Variants in HECW1 observed in about 807,000 individuals in gnomAD.
HECW1 encodes the protein E3 ubiquitin-protein ligase HECW1.
HECW1 carries 61 observed loss-of-function variants against 182.3 expected under a neutral mutation model. The observed-to-expected ratio is 0.33, with a 90% confidence interval of 0.27 to 0.41. The LOEUF (loss-of-function observed/expected upper bound fraction) is 0.41. Ranked by LOEUF, HECW1 falls within the 10% of genes least tolerant of loss-of-function variation. HECW1 has a pLI of 1.00. For synonymous variants in HECW1, 859 were observed against 832.6 expected (o/e 1.03, Z -0.55); for missense variants, 1,739 against 2,108.9 (o/e 0.82, Z 3.44).
intron 17 of HECW1, among the ~76,000 whole-genome samples, chr7:43,488,394 GGAA>G (rs2078753730): frequency 1.4e-5 from 1 of 71,796 alleles, no homozygotes; most frequent in Non-Finnish European, 2.8e-5. Flanking sequence ...AAGGAAGGAA[GGAA>G]GGAAATGAAA....
At chr7:43,538,834 C>T (rs1451724481) in intron 24 of HECW1, among the ~76,000 whole-genome samples, 2 of 152,144 alleles carry the variant, frequency 1.3e-5, no homozygotes, top group African/African-American at 2.4e-5. Flanking sequence ...TAATTAACCG[C>T]GGTGACTAGA....
Position 43,211,671 on chromosome 7 carries a change from A to AG in HECW1, c.-31-32198dup, listed in dbSNP as rs533108691. Among the ~76,000 whole-genome samples the AG allele has an allele frequency of 4.9e-4, 75 of 152,292 alleles. No homozygotes were observed. The East Asian group carries it at 0.013, about 26-fold the overall frequency. ...TGTGTTCATAATAACCCTTCACAAAAGGGGGGCGTTCCCCCTTGCCTCCCT... is the reference window on the plus strand; with the variant it reads ...TGTGTTCATAATAACCCTTCACAAAAGGGGGGGCGTTCCCCCTTGCCTCCCT... On this transcript the variant is annotated intron_variant, in intron 2 of 29. Coordinates refer to ENST00000395891, the MANE Select transcript of HECW1 (RefSeq NM_015052.5).
chr7:43,528,216 C>A (rs987964943), intron 24 of HECW1, among the ~76,000 whole-genome samples: 2 of 152,096 alleles, frequency 1.3e-5, no homozygotes, highest in Non-Finnish European at 2.9e-5. Flanking sequence ...TCAACTCTCC[C>A]AGTAAAGAAT....
intron 2 of HECW1, among the ~76,000 whole-genome samples, chr7:43,222,096 G>A (rs1265692399): frequency 6.6e-6 from 1 of 152,276 alleles, no homozygotes; most frequent in African/African-American, 2.4e-5. Flanking sequence ...CTAGGCCAGC[G>A]TTCCTCAACT....
chr7:43,267,704 AG>A (rs1382723497), intron 3 of HECW1, among the ~76,000 whole-genome samples: 2 of 152,148 alleles, frequency 1.3e-5, no homozygotes, highest in African/African-American at 4.8e-5. Context: ...GCTAATTAAG[AG>A]AAAACAAATA....
intron 2 of HECW1, among the ~76,000 whole-genome samples, chr7:43,221,536 G>GTT (rs1796944557): frequency 1.3e-5 from 1 of 79,848 alleles, no homozygotes; most frequent in Non-Finnish European, 2.7e-5. Context: ...AGAGGAATTA[G>GTT]GTTTTTTTTT....
At chr7:43,431,365 G>T (rs565031671) in intron 8 of HECW1, among the ~76,000 whole-genome samples, 50 of 152,214 alleles carry the variant, frequency 3.3e-4, no homozygotes, top group African/African-American at 1.1e-3. Flanking sequence ...TCCTAGCTAT[G>T]TCACTCCTCC....
intron 5 of HECW1, among the ~76,000 whole-genome samples, chr7:43,326,698 G>T (rs1475156644): frequency 6.6e-6 from 1 of 152,150 alleles, no homozygotes; most frequent in Non-Finnish European, 1.5e-5. Flanking sequence ...TGAACATATT[G>T]GTGTCTTGGT....
At chr7:43,340,226 CT>C (rs151194030) in intron 5 of HECW1, among the ~76,000 whole-genome samples, 8 of 97,596 alleles carry the variant, frequency 8.2e-5, no homozygotes, top group Non-Finnish European at 7.6e-5. Flanking sequence ...CCCCCCACCC[CT>C]TTTTTTTTTC....
rs557806722 is a variant in HECW1, at chr7:43,516,740, T to C, written c.4019+7619T>C. 1.9e-3 allele frequency among the ~76,000 whole-genome samples: 297 copies of C among 152,346 alleles called. 2 individuals are homozygous for C. Among genetic ancestry groups the C allele is most frequent in the African/African-American group, 6.7e-3 (279 of 41,582 alleles). Reference sequence around the variant, plus strand: ...AATGCATCACTAAGCAATTTTATCATTGCGTGAACATCATAGAGTGGAATT... The same window carrying C: ...AATGCATCACTAAGCAATTTTATCACTGCGTGAACATCATAGAGTGGAATT... On this transcript the variant is annotated intron_variant, in intron 24 of 29. Coordinates refer to ENST00000395891, the MANE Select transcript of HECW1 (RefSeq NM_015052.5).
intron 19 of HECW1, among the ~76,000 whole-genome samples, chr7:43,493,833 T>C (rs1443180543): frequency 1.3e-5 from 2 of 152,184 alleles, no homozygotes; most frequent in African/African-American, 2.4e-5. Flanking sequence ...GACGTTTGAA[T>C]TTTCACTCCA....
intron 3 of HECW1, among the ~76,000 whole-genome samples, chr7:43,251,863 C>T (rs1800067693): frequency 6.6e-6 from 1 of 152,156 alleles, no homozygotes. Flanking sequence ...TGTGGCTGTT[C>T]AGAGTAGAAT....
chr7:43,556,309 G>A (rs950860036), intron 29 of HECW1, among the ~76,000 whole-genome samples: 1 of 152,194 alleles, frequency 6.6e-6, no homozygotes, highest in African/African-American at 2.4e-5. Flanking sequence ...TCAGGAAGGT[G>A]CAGCTGGCCA....
chr7:43,417,283 C>CA (rs2076042710), intron 8 of HECW1, among the ~76,000 whole-genome samples: 2 of 152,144 alleles, frequency 1.3e-5, no homozygotes, highest in African/African-American at 4.8e-5. Context: ...CTCCTGACCT[C>CA]AGGTGATCCA....
chr7:43,126,274 A>T (rs564152758), intron 2 of HECW1, among the ~76,000 whole-genome samples: 1 of 152,058 alleles, frequency 6.6e-6, no homozygotes, highest in South Asian at 2.1e-4. Context: ...CCACTAGAAA[A>T]ATTCCTCTCT....
At chr7:43,166,456 A>T (rs1791120859) in intron 2 of HECW1, among the ~76,000 whole-genome samples, 1 of 152,146 alleles carries the variant, frequency 6.6e-6, no homozygotes, top group South Asian at 2.1e-4. Flanking sequence ...TAGTATTAGG[A>T]TCTAGAAGCA....
chr7:43,237,597 T>C (rs989974278), intron 2 of HECW1, among the ~76,000 whole-genome samples: 6 of 152,198 alleles, frequency 3.9e-5, no homozygotes, highest in Admixed American at 3.3e-4. Flanking sequence ...GCTAGATTAT[T>C]GTGAGGATCA....
chr7:43,302,602 C>T (rs902348320), intron 3 of HECW1, among the ~76,000 whole-genome samples: 5 of 152,184 alleles, frequency 3.3e-5, no homozygotes, highest in East Asian at 1.9e-4. Context: ...CACAAATGCC[C>T]GGTACGGGGC....
chr7:43,499,343 C>T (rs1284214031), intron 19 of HECW1, among the ~76,000 whole-genome samples: 2 of 151,758 alleles, frequency 1.3e-5, no homozygotes, highest in African/African-American at 2.4e-5. Flanking sequence ...GCGGTGCATG[C>T]CTATAATCCC....
Sources: allele counts gnomAD v4.1 joint callset (sites outside exome capture counted in the v4.1 genomes callset), GRCh38; gene constraint gnomAD v4.1.1; transcripts MANE v1.5; gene names NCBI Gene and HGNC (gene_info 2026-07-23, HGNC 2026-07-21).